Variants in CABYR observed in about 807,000 individuals in gnomAD.
CABYR encodes calcium binding tyrosine phosphorylation regulated.
A neutral mutation model predicts 36.1 loss-of-function variants in CABYR; 31 were observed. The ratio of observed to expected loss-of-function variants is 0.86; its 90% CI spans 0.64 to 1.16. The LOEUF (loss-of-function observed/expected upper bound fraction) is 1.16, where lower values mean the gene tolerates loss of function less well. CABYR is among the 50% of genes most tolerant of loss of function. The pLI is 0.00. For missense variants in CABYR, 429 were observed against 455.8 expected (o/e 0.94, Z 0.53); for synonymous variants, 146 against 160.7 (o/e 0.91, Z 0.69).
chr18:24,161,451 T>C (rs1266349423), intron 5 of CABYR, 65 bp from the exon 6 acceptor site: 38 of 773,532 alleles, frequency 4.9e-5, no homozygotes, highest in Non-Finnish European at 8.5e-5. Context: ...AATCTTCTGC[T>C]CATTTCACAT....
chr18:24,156,893 T>C, intron 4 of CABYR: 1 of 1,614,098 alleles, frequency 6.2e-7, no homozygotes, highest in Non-Finnish European at 8.5e-7. Context: ...CAGGTACATC[T>C]GTAAAGTCAT....
At chr18:24,142,644 G>GTTT (rs11403423) in intron 1 of CABYR, among the ~76,000 whole-genome samples, 3 of 144,964 alleles carry the variant, frequency 2.1e-5, no homozygotes, top group Admixed American at 6.8e-5. Context: ...AGGGTTGTGT[G>GTTT]TTTTTTTTTT....
At chr18:24,153,193 CTGT>C (rs1285279248) in intron 3 of CABYR, among the ~76,000 whole-genome samples, 1 of 151,908 alleles carries the variant, frequency 6.6e-6, no homozygotes, top group Non-Finnish European at 1.5e-5. Flanking sequence ...AGGAGGTTCC[CTGT>C]TGTTCTGGGC....
At chr18:24,161,426 A>G in intron 5 of CABYR, 90 bp from the exon 6 acceptor site, 1 of 752,696 alleles carries the variant, frequency 1.3e-6, no homozygotes, top group South Asian at 1.4e-5. Context: ...GCAGGAGGGT[A>G]GACCTTGCAT....
chr18:24,147,272 A>AAAAG (rs1555781278), intron 3 of CABYR, among the ~76,000 whole-genome samples: 11 of 137,460 alleles, frequency 8.0e-5, no homozygotes, highest in African/African-American at 1.6e-4. Context: ...AAAAAAAAAA[A>AAAAG]GCCTATAGGC....
At chr18:24,156,231 G>T (rs138258101) in intron 4 of CABYR, 189 bp downstream of exon 4, 2 of 1,614,104 alleles carry the variant, frequency 1.2e-6, no homozygotes, top group African/African-American at 1.3e-5. Flanking sequence ...TGTCCATGTA[G>T]ATTTGGGTTC....
chr18:24,156,195 G>C (rs531760127), intron 4 of CABYR, 153 bp downstream of exon 4: 2 of 1,614,188 alleles, frequency 1.2e-6, no homozygotes, highest in East Asian at 4.5e-5. Flanking sequence ...AAAGGTGCTA[G>C]AAGTGCAGGT....
At position 24,155,992 on chromosome 18, in the gene CABYR, A is replaced by T; in HGVS notation, c.491A>T (p.Glu164Val). The T allele has an allele frequency of 1.2e-6, 2 of 1,614,166 alleles. No individual in the cohort carries two copies. Among genetic ancestry groups the T allele is most frequent in the Non-Finnish European group, 1.7e-6 (2 of 1,180,038 alleles). ...CCACCTCCAACAGCTGTCTCACCAGAGTTTGCCTACGTCCCAGCTGACCCA... is the reference window on the plus strand; with the variant it reads ...CCACCTCCAACAGCTGTCTCACCAGTGTTTGCCTACGTCCCAGCTGACCCA... ...SSPPPTAVSP[E>V]FAYVPADPAQ... Residue 164 changes from glutamate (E) to valine (V), a missense_variant, in exon 4 of 6, where the codon GAG (glutamate) becomes GTG (valine). By Grantham distance (121) the Glu-to-Val change is moderately radical. Transcript: ENST00000399496.
chr18:24,159,607 A>C lies in CABYR; in HGVS notation c.677A>C (p.Tyr226Ser). 6.2e-7 allele frequency: 1 copy of C among 1,613,902 alleles called. No individual in the cohort carries two copies. The highest frequency in any genetic ancestry group is 8.5e-7 in the Non-Finnish European group (1 of 1,179,962). The change falls in exon 5 of 6, where the codon TAT (tyrosine) becomes TCT (serine). Residue 226 changes from tyrosine to serine, a missense_variant. By Grantham distance (144) the Tyr-to-Ser change is moderately radical. Coordinates refer to ENST00000399496, the MANE Select transcript of CABYR (RefSeq NM_153769.3). ...APGPFPQATL[Y>S]LPNPKDPQFQ... ...GGGCCTTTTCCCCAAGCAACCCTCTATTTACCTAATCCTAAGGATCCACAG... is the reference window on the plus strand; with the variant it reads ...GGGCCTTTTCCCCAAGCAACCCTCTCTTTACCTAATCCTAAGGATCCACAG...
intron 4 of CABYR, among the ~76,000 whole-genome samples, chr18:24,158,774 A>C (rs2085865866): frequency 6.6e-6 from 1 of 152,152 alleles, no homozygotes; most frequent in Non-Finnish European, 1.5e-5. Context: ...TGGTTCTCCC[A>C]AGACAGTACT....
intron 3 of CABYR, 142 bp from the exon 4 acceptor site, chr18:24,155,559 C>G (rs987389179): frequency 8.0e-6 from 5 of 627,528 alleles, no homozygotes; most frequent in Admixed American, 3.0e-5. Context: ...TGGGCTCAAG[C>G]GATCCTCCTG....
intron 3 of CABYR, among the ~76,000 whole-genome samples, chr18:24,144,281 A>G (rs8091699): frequency 0.3 from 45,256 of 151,964 alleles, 7,415 homozygotes; most frequent in East Asian, 0.6. Context: ...GGATGGGAAA[A>G]GCTCACATGA....
intron 5 of CABYR, among the ~76,000 whole-genome samples, chr18:24,161,040 C>CTGTT (rs2085962440): frequency 6.6e-6 from 1 of 152,068 alleles, no homozygotes. Context: ...TGACTGATTG[C>CTGTT]TGTTTTTATT....
chr18:24,149,662 T>C (rs1045850715), intron 3 of CABYR, among the ~76,000 whole-genome samples: 3 of 152,180 alleles, frequency 2.0e-5, no homozygotes, highest in Non-Finnish European at 2.9e-5. Flanking sequence ...GGTGGGAGGC[T>C]CAGGCATGGC....
chr18:24,157,071 T>C, intron 4 of CABYR: 1 of 1,147,366 alleles, frequency 8.7e-7, no homozygotes, highest in Non-Finnish European at 1.3e-6. Context: ...GCCATCTCTG[T>C]CGGCTCCCTG....
intron 3 of CABYR, among the ~76,000 whole-genome samples, chr18:24,143,735 C>T (rs1419069510): frequency 6.6e-6 from 1 of 152,022 alleles, no homozygotes; most frequent in African/African-American, 2.4e-5. Context: ...GGGGTCTTGC[C>T]TCGTTGCCCA....
rs777726396 is a variant in CABYR at position 24,156,003 on chromosome 18, G to C, written c.502G>C (p.Val168Leu). Residue 168 changes from valine to leucine, a missense_variant, in exon 4 of 6, where the codon GTC becomes CTC. Physicochemically the swap from Val to Leu is conservative, Grantham distance 32. Transcript: ENST00000399496. Reference sequence around the variant, plus strand: ...AGCTGTCTCACCAGAGTTTGCCTACGTCCCAGCTGACCCAGCTCAGCTTGC... The same window carrying C: ...AGCTGTCTCACCAGAGTTTGCCTACCTCCCAGCTGACCCAGCTCAGCTTGC... ...PTAVSPEFAYVPADPAQLAAQ... is the reference protein window; with the variant it reads ...PTAVSPEFAYLPADPAQLAAQ... 3 of 1,614,178 alleles carry C rather than the reference G, an allele frequency of 1.9e-6. No individual in the cohort carries two copies. The highest frequency in any genetic ancestry group is 3.3e-5 in the Admixed American group (2 of 60,016).
At chr18:24,151,779 TC>T (rs2085643538) in intron 3 of CABYR, among the ~76,000 whole-genome samples, 1 of 144,988 alleles carries the variant, frequency 6.9e-6, no homozygotes. Flanking sequence ...AACCTCTACC[TC>T]CCGGGCTCAA....
At chr18:24,158,024 G>C (rs192327491) in intron 4 of CABYR, among the ~76,000 whole-genome samples, 75 of 152,340 alleles carry the variant, frequency 4.9e-4, no homozygotes, top group African/African-American at 1.8e-3. Context: ...TGGAAAGGCA[G>C]AGGGCAGCGC....
Sources: gnomAD v4.1 joint callset for allele counts (sites outside exome capture counted in the v4.1 genomes callset) on GRCh38, gnomAD v4.1.1 for gene constraint, MANE v1.5 for transcripts, NCBI Gene and HGNC (gene_info 2026-07-23, HGNC 2026-07-21) for gene names.